Variants in TRHR observed in about 807,000 individuals in gnomAD.
TRHR encodes thyrotropin releasing hormone receptor.
TRHR carries 14 observed loss-of-function variants against 28.0 expected under a neutral mutation model. The ratio of observed to expected loss-of-function variants is 0.50; its 90% CI spans 0.33 to 0.78. TRHR has a LOEUF of 0.78. Among genes scored for constraint, TRHR ranks in the 30% least tolerant of loss-of-function variants. The pLI is 0.02. For missense variants in TRHR, 438 were observed against 469.5 expected, an observed-to-expected ratio of 0.93 and a Z score of 0.62; for synonymous variants, 176 against 171.9, an observed-to-expected ratio of 1.02 and a Z score of -0.18.
chr8:109,119,239 C>T lies in TRHR; in HGVS notation c.981C>T (p.Phe327=), dbSNP rs267601710. Residue 327 remains phenylalanine, a synonymous_variant, in exon 3 of 3, where the codon TTC becomes TTT. Transcript: ENST00000518632. ...TTTACAATCTCATGTCCCAGAAATT[C>T]CGTGCAGCCTTCAGAAAGCTCTGCA... ...PVIYNLMSQK[F]RAAFRKLCNC... 1 of 1,612,838 alleles carries T rather than the reference C, an allele frequency of 6.2e-7. No homozygotes were observed. The highest frequency in any genetic ancestry group is 1.1e-5 in the South Asian group (1 of 91,048).
At chr8:109,095,986 A>G (rs73702771) in intron 2 of TRHR, among the ~76,000 whole-genome samples, 7,145 of 152,070 alleles carry the variant, frequency 0.047, 190 homozygotes, top group Middle Eastern at 0.078. Context: ...TCTGGCTCCC[A>G]TGGCACTCTC....
intron 2 of TRHR, among the ~76,000 whole-genome samples, chr8:109,098,034 C>A (rs940997816): frequency 2.0e-4 from 30 of 152,284 alleles, no homozygotes; most frequent in South Asian, 1.5e-3. Flanking sequence ...ACCGCAGTTC[C>A]AGTTCCACTG....
At chr8:109,098,813 C>T (rs1485995005) in intron 2 of TRHR, among the ~76,000 whole-genome samples, 1 of 152,170 alleles carries the variant, frequency 6.6e-6, no homozygotes, top group Non-Finnish European at 1.5e-5. Flanking sequence ...AGCAGGCTTT[C>T]CTGACCACCA....
intron 2 of TRHR, among the ~76,000 whole-genome samples, chr8:109,105,275 G>C (rs1811732302): frequency 6.6e-6 from 1 of 152,112 alleles, no homozygotes; most frequent in South Asian, 2.1e-4. Context: ...CTAATCCAAA[G>C]TCTTTGATGG....
intron 2 of TRHR, among the ~76,000 whole-genome samples, chr8:109,106,535 C>T (rs550370486): frequency 6.6e-5 from 10 of 152,160 alleles, no homozygotes; most frequent in African/African-American, 7.2e-5. Flanking sequence ...GACTGTTCCC[C>T]GAAAAAATTT....
At chr8:109,110,354 C>G (rs1276202469) in intron 2 of TRHR, among the ~76,000 whole-genome samples, 1 of 152,018 alleles carries the variant, frequency 6.6e-6, no homozygotes, top group Non-Finnish European at 1.5e-5. Flanking sequence ...CACTGTACTC[C>G]AGCCTGGGTG....
chr8:109,117,781 T>C (rs7828207), intron 2 of TRHR, among the ~76,000 whole-genome samples: 45,458 of 151,842 alleles, frequency 0.3, 7,383 homozygotes, highest in East Asian at 0.48. Context: ...ATGTTTCAGT[T>C]AACCCCTTTG....
intron 2 of TRHR, among the ~76,000 whole-genome samples, chr8:109,118,306 G>A (rs1289439894): frequency 1.8e-4 from 27 of 151,908 alleles, no homozygotes; most frequent in Admixed American, 1.8e-3. Flanking sequence ...CTGGCACATA[G>A]CAGTCACTAA....
intron 2 of TRHR, among the ~76,000 whole-genome samples, chr8:109,115,904 T>C (rs1811914298): frequency 6.6e-6 from 1 of 152,190 alleles, no homozygotes; most frequent in Non-Finnish European, 1.5e-5. Flanking sequence ...AGGGAATGCT[T>C]CCAGTTTTTG....
At chr8:109,113,240 C>T (rs891743510) in intron 2 of TRHR, among the ~76,000 whole-genome samples, 1 of 152,116 alleles carries the variant, frequency 6.6e-6, no homozygotes, top group African/African-American at 2.4e-5. Context: ...GCTAACTTCA[C>T]ATCTTCTCCC....
At chr8:109,093,300 T>C (rs1811541394) in intron 2 of TRHR, among the ~76,000 whole-genome samples, 2 of 151,818 alleles carry the variant, frequency 1.3e-5, no homozygotes, top group Admixed American at 6.6e-5. Context: ...AGTCATACAA[T>C]GCTCATGGAA....
intron 2 of TRHR, among the ~76,000 whole-genome samples, chr8:109,096,327 G>A (rs1234436931): frequency 6.6e-6 from 1 of 152,162 alleles, no homozygotes; most frequent in Non-Finnish European, 1.5e-5. Context: ...GAATTTCTCA[G>A]GTAGATTTAT....
intron 2 of TRHR, among the ~76,000 whole-genome samples, chr8:109,091,428 C>T (rs1169482779): frequency 6.6e-6 from 1 of 152,068 alleles, no homozygotes; most frequent in Admixed American, 6.5e-5. Flanking sequence ...TTTCTTAAAC[C>T]TTTGAAAGGT....
In TRHR at chr8:109,088,019, C is replaced by T. The variant is rs962985921; in HGVS notation, c.507C>T (p.Ser169=). ...LWFFLLDLNI[S]TYKDAIVISC... The stretch of plus-strand genomic sequence containing the variant: ...TCTTCTTGCTGGATCTCAATATTAG[C>T]ACCTACAAAGATGCTATTGTGATAT... The change falls in exon 2 of 3, where the codon AGC becomes AGT. Residue 169 remains serine (S), a synonymous_variant. Transcript: ENST00000518632. 5 of 1,614,086 alleles carry T rather than the reference C, an allele frequency of 3.1e-6. No homozygotes were observed. Among genetic ancestry groups the T allele is most frequent in the Non-Finnish European group, 4.2e-6 (5 of 1,180,034 alleles).
intron 2 of TRHR, among the ~76,000 whole-genome samples, chr8:109,108,377 C>G (rs955708259): frequency 4.6e-5 from 7 of 152,050 alleles, no homozygotes; most frequent in African/African-American, 1.7e-4. Context: ...ACAATGTTAC[C>G]CTTACCAGGC....
chr8:109,093,552 T>A (rs749437428), intron 2 of TRHR, among the ~76,000 whole-genome samples: 1 of 151,636 alleles, frequency 6.6e-6, no homozygotes, highest in African/African-American at 2.4e-5. Flanking sequence ...ATTACAGGCA[T>A]GCACCACCAT....
chr8:109,087,815 T>C lies in TRHR; in HGVS notation c.303T>C (p.Ile101=). The change falls in exon 2 of 3, where the codon ATT becomes ATC. Residue 101 remains isoleucine (I), a synonymous_variant. Transcript: ENST00000518632. ...ATGGCTATGTTGGATGCCTCTGCAT[T>C]ACTTACCTCCAGTATTTGGGAATTA... is the stretch of plus-strand genomic sequence containing the variant. ...WVYGYVGCLC[I]TYLQYLGINA... is the part of the protein sequence containing the mutation. 1 of 1,614,218 alleles carries C rather than the reference T, an allele frequency of 6.2e-7. No homozygotes were observed. Among genetic ancestry groups the C allele is most frequent in the East Asian group, 2.2e-5 (1 of 44,880 alleles).
At chr8:109,111,104 A>G (rs1468130562) in intron 2 of TRHR, among the ~76,000 whole-genome samples, 1 of 151,838 alleles carries the variant, frequency 6.6e-6, no homozygotes, top group Non-Finnish European at 1.5e-5. Flanking sequence ...GTGAGCCGAG[A>G]TCACACCACT....
chr8:109,094,225 G>A (rs893912043), intron 2 of TRHR, among the ~76,000 whole-genome samples: 3 of 142,876 alleles, frequency 2.1e-5, no homozygotes, highest in Admixed American at 1.5e-4. Flanking sequence ...GAGGCTACAG[G>A]CTCATCTTTC....
Sources: allele counts gnomAD v4.1 joint callset (sites outside exome capture counted in the v4.1 genomes callset), GRCh38; gene constraint gnomAD v4.1.1; transcripts MANE v1.5; gene names NCBI Gene and HGNC (gene_info 2026-07-23, HGNC 2026-07-21).